The following TIGIT variants were observed in gnomAD, a reference collection of about 807,000 sequenced individuals.
TIGIT encodes the protein T cell immunoreceptor with Ig and ITIM domains, also known as T-cell immunoreceptor with Ig and ITIM domains.
A neutral mutation model predicts 19.6 loss-of-function variants in TIGIT; 11 were observed. The ratio of observed to expected loss-of-function variants is 0.56; its 90% CI spans 0.35 to 0.93. TIGIT has a LOEUF of 0.93. TIGIT is among the 40% of genes least tolerant of loss of function. The pLI is 0.01. For synonymous variants in TIGIT, 130 were observed against 125.5 expected (o/e 1.04, Z -0.24); for missense variants, 295 against 303.9 (o/e 0.97, Z 0.22).
At chr3:114,307,427 C>T in intron 3 of TIGIT, 1 of 169,906 alleles carries the variant, frequency 5.9e-6, no homozygotes, top group East Asian at 1.7e-4. Flanking sequence ...AGAGCAGAAC[C>T]CTGGGGAACC....
At chr3:114,296,895 T>C (rs2078457071) in intron 2 of TIGIT, among the ~76,000 whole-genome samples, 2 of 90,272 alleles carry the variant, frequency 2.2e-5, no homozygotes. Flanking sequence ...TACTTCTTTT[T>C]TTTTTTTTTT....
At chr3:114,301,492 T>A (rs1460911423) in intron 3 of TIGIT, among the ~76,000 whole-genome samples, 5 of 152,172 alleles carry the variant, frequency 3.3e-5, no homozygotes, top group Non-Finnish European at 7.3e-5. Context: ...TGAAAGTTGA[T>A]CTCTTAGCTG....
At chr3:114,294,246 G>C in intron 1 of TIGIT, 124 bp downstream of exon 1, 2 of 705,668 alleles carry the variant, frequency 2.8e-6, no homozygotes, top group Non-Finnish European at 4.8e-6. Context: ...GAAAGAAATT[G>C]CAACTTTTAG....
chr3:114,297,059 G>A (rs2107948326), intron 2 of TIGIT, among the ~76,000 whole-genome samples: 1 of 152,062 alleles, frequency 6.6e-6, no homozygotes, highest in South Asian at 2.1e-4. Context: ...ACCATGCCCG[G>A]CTAATTTTGT....
chr3:114,296,066 A>G, intron 2 of TIGIT, 192 bp downstream of exon 2: 1 of 556,374 alleles, frequency 1.8e-6, no homozygotes, highest in East Asian at 3.0e-5. Context: ...AGAGCTAAAC[A>G]AGGGTAAGGT....
At chr3:114,303,593 A>T in intron 3 of TIGIT, among the ~76,000 whole-genome samples, 1 of 11,032 alleles carries the variant, frequency 9.1e-5, no homozygotes. Context: ...ATATACATAT[A>T]TATGTATATA....
At chr3:114,295,913 C>T (rs761054335) in intron 2 of TIGIT, 39 bp downstream of exon 2, 1 of 1,506,646 alleles carries the variant, frequency 6.6e-7, no homozygotes, top group East Asian at 2.3e-5. Context: ...AAACCTCTCC[C>T]TCTAGCATAG....
At chr3:114,299,543 A>G (rs1383782315) in intron 2 of TIGIT, 54 bp from the exon 3 acceptor site, 1 of 1,385,974 alleles carries the variant, frequency 7.2e-7, no homozygotes, top group African/African-American at 1.4e-5. Context: ...GCCCTGGGGA[A>G]ATCAGCTTCA....
chr3:114,305,820 GGATGGA>G, intron 3 of TIGIT, among the ~76,000 whole-genome samples: 1 of 151,174 alleles, frequency 6.6e-6, no homozygotes, highest in Non-Finnish European at 1.5e-5. Flanking sequence ...ATGGATGGAT[GGATGGA>G]TGGTTGGATG....
chr3:114,307,648 A>G, intron 3 of TIGIT: 1 of 505,540 alleles, frequency 2.0e-6, no homozygotes, highest in African/African-American at 1.9e-5. Context: ...CACTAAGCTT[A>G]GTGAACAGGA....
intron 3 of TIGIT, among the ~76,000 whole-genome samples, chr3:114,306,863 A>G (rs754017454): frequency 1.3e-5 from 2 of 152,186 alleles, no homozygotes; most frequent in Non-Finnish European, 2.9e-5. Flanking sequence ...GCACCCTCCT[A>G]TATACAGTGG....
In TIGIT at chr3:114,299,678, T is replaced by C. The variant is rs973073725; in HGVS notation, c.473T>C (p.Ile158Thr). The part of the protein sequence containing the change: ...ATLVVICTAV[I>T]VVVALTRKKK... Reference sequence around the variant, plus strand: ...CTGGTGGTCATCTGCACAGCAGTCATCGTGGTGGTCGCGTTGACTAGAAAG... The same window carrying C: ...CTGGTGGTCATCTGCACAGCAGTCACCGTGGTGGTCGCGTTGACTAGAAAG... The change falls in exon 3 of 4, where the codon ATC becomes ACC. Residue 158 changes from isoleucine (I) to threonine (T), a missense_variant. Transcript: ENST00000383671. 6 of 1,612,372 alleles carry C rather than the reference T, an allele frequency of 3.7e-6. No homozygotes were observed. In the African/African-American group the frequency reaches 8.0e-5, roughly 22 times the overall value.
chr3:114,307,004 G>C (rs960324668), intron 3 of TIGIT, among the ~76,000 whole-genome samples: 2 of 152,152 alleles, frequency 1.3e-5, no homozygotes, highest in African/African-American at 4.8e-5. Flanking sequence ...ATGAAGCCCA[G>C]GTGTGAGAGA....
chr3:114,299,876 C>T (rs1007917512), intron 3 of TIGIT, among the ~76,000 whole-genome samples, 173 bp downstream of exon 3: 5 of 152,130 alleles, frequency 3.3e-5, no homozygotes, highest in Admixed American at 3.3e-4. Flanking sequence ...TATGCTCTTC[C>T]GTTGTCCCTC....
chr3:114,299,781 C>A, intron 3 of TIGIT, 78 bp downstream of exon 3: 1 of 902,662 alleles, frequency 1.1e-6, no homozygotes, highest in Non-Finnish European at 1.8e-6. Context: ...TCTCTTTCCA[C>A]CCAGAGAGAG....
Position 114,295,819 on chromosome 3 carries a change from CTACCCTGATGGGACG to C in TIGIT, c.340_354del (p.Pro114_Tyr118del). ...GGGAGTACTTCTGCATCTATCACAC[CTACCCTGATGGGACG>C]TACACTGGGAGAATCTTCCTGGAGG... On this transcript the variant is annotated inframe_deletion, in exon 2 of 4. Coordinates refer to ENST00000383671, the MANE Select transcript of TIGIT (RefSeq NM_173799.4). The C allele has an allele frequency of 6.2e-7, 1 of 1,613,930 alleles. No individual in the cohort carries two copies. Among genetic ancestry groups the C allele is most frequent in the Non-Finnish European group, 8.5e-7 (1 of 1,179,856 alleles).
Position 114,295,530 on chromosome 3 carries a change from C to T in TIGIT, c.62-15C>T, listed in dbSNP as rs777506631. 37 of 1,599,242 alleles carry T rather than the reference C, an allele frequency of 2.3e-5. No homozygotes were observed. In the African/African-American group the frequency reaches 3.9e-4, roughly 17 times the overall value. On this transcript the variant is annotated splice_polypyrimidine_tract_variant and intron_variant, in intron 1 of 3. Transcript: ENST00000383671. ...GCTGACCCAGGACTCACATGTGCTT[C>T]GTCCTCTTCCCTAGGAATGATGACA...
chr3:114,295,887 G>T lies in TIGIT; in HGVS notation c.391+13G>T. 6.3e-7 allele frequency: 1 copy of T among 1,580,742 alleles called. No homozygotes were observed. Among genetic ancestry groups the T allele is most frequent in the South Asian group, 1.1e-5 (1 of 86,994 alleles). On this transcript the variant is annotated intron_variant, in intron 2 of 3. Transcript: ENST00000383671. ...CTAGAAAGCTCAGGTATTCCTGCTG[G>T]AGCAAGTTGGTGGATAAACCTCTCC...
chr3:114,295,385 A>G (rs1396931425), intron 1 of TIGIT, among the ~76,000 whole-genome samples, 160 bp from the exon 2 acceptor site: 1 of 152,162 alleles, frequency 6.6e-6, no homozygotes, highest in Non-Finnish European at 1.5e-5. Context: ...TGGAAGAAAC[A>G]GGAAATAATT....
Sources: gnomAD v4.1 joint callset for allele counts (sites outside exome capture counted in the v4.1 genomes callset) on GRCh38, gnomAD v4.1.1 for gene constraint, MANE v1.5 for transcripts, NCBI Gene and HGNC (gene_info 2026-07-23, HGNC 2026-07-21) for gene names.